Variants in TMC4 observed in about 807,000 individuals in gnomAD.
The protein encoded by TMC4 is voltage-gated chloride channel TMC4.
Under a neutral mutation model 82.0 loss-of-function variants are expected in TMC4, and 70 were observed. The observed-to-expected ratio is 0.85, with a 90% CI of 0.70 to 1.04. TMC4 has a LOEUF of 1.04. Among genes scored for constraint, TMC4 ranks in the 50% least tolerant of loss-of-function variants. TMC4 has a pLI of 0.00. For missense variants in TMC4, 879 were observed against 899.0 expected (o/e 0.98, Z 0.28); for synonymous variants, 446 against 406.0 (o/e 1.10, Z -1.18).
At chr19:54,170,350 A>C (rs974871044) in intron 2 of TMC4, among the ~76,000 whole-genome samples, 2 of 140,470 alleles carry the variant, frequency 1.4e-5, no homozygotes, top group South Asian at 2.3e-4. Context: ...AAAAAAAAAA[A>C]GGTTAGGGAG....
Position 54,168,666 on chromosome 19 carries a change from C to A in TMC4, c.457G>T (p.Gly153Cys). 1 of 1,543,576 alleles carries A rather than the reference C, an allele frequency of 6.5e-7. No homozygotes were observed. Residue 153 changes from glycine to cysteine, a missense_variant, in exon 4 of 15, where the codon GGC becomes TGC. Physicochemically the swap from Gly to Cys is radical, Grantham distance 159. Transcript: ENST00000619895. ...AGCAGGGAGAAGTAGGACTCCGTGC[C>A]GGCGCCAAACTGGCCTGCAGGGGGC... Reference protein sequence around the residue: ...LKRIGGQFGAGTESYFSLLRF... With the variant: ...LKRIGGQFGACTESYFSLLRF...
chr19:54,162,401 G>A (rs2075584982), intron 10 of TMC4, 116 bp from the exon 11 acceptor site: 7 of 794,496 alleles, frequency 8.8e-6, no homozygotes, highest in Non-Finnish European at 1.1e-5. Context: ...GGGGGGGGGG[G>A]GGCGGGACTT....
intron 9 of TMC4, 75 bp from the exon 10 acceptor site, chr19:54,162,845 A>G: frequency 6.6e-7 from 1 of 1,514,188 alleles, no homozygotes; most frequent in Non-Finnish European, 9.1e-7. Context: ...GAGTCTCCAC[A>G]TCGCAAGCCT....
At chr19:54,168,789 T>C (rs1443342492) in intron 3 of TMC4, 109 bp from the exon 4 acceptor site, 1 of 275,702 alleles carries the variant, frequency 3.6e-6, no homozygotes, top group Non-Finnish European at 5.8e-6. Context: ...CTTTCTTTTC[T>C]TTTCTTTCTT....
At chr19:54,164,013 T>C (rs1363289961) in intron 7 of TMC4, 126 bp from the exon 8 acceptor site, 1 of 1,097,222 alleles carries the variant, frequency 9.1e-7, no homozygotes, top group Non-Finnish European at 1.3e-6. Context: ...CTCGCTCTGT[T>C]ACCCAGCCTA....
intron 10 of TMC4, among the ~76,000 whole-genome samples, 158 bp from the exon 11 acceptor site, chr19:54,162,443 A>T (rs1213783776): frequency 7.7e-6 from 1 of 129,824 alleles, no homozygotes; most frequent in East Asian, 2.2e-4. Context: ...GTGTGTCCAG[A>T]GGGCGGGTCC....
chr19:54,160,528 G>A lies in TMC4; in HGVS notation c.1991C>T (p.Thr664Ile). The A allele has an allele frequency of 6.2e-7, 1 of 1,614,150 alleles. No homozygotes were observed. The highest frequency in any genetic ancestry group is 8.5e-7 in the Non-Finnish European group (1 of 1,180,018). Residue 664 changes from threonine (T) to isoleucine (I), a missense_variant, in exon 14 of 15, where the codon ACT becomes ATT. Thr to Ile is a moderately conservative substitution (Grantham distance 89). Coordinates refer to ENST00000619895, the MANE Select transcript of TMC4 (RefSeq NM_144686.4). ...TCCGTAGGAGTTAGCCAGAGCCACA[G>A]TGTACGCCATCAGGATGCTGAAGGA... ...LLISSILMAY[T>I]VALANSYGRL...
intron 2 of TMC4, 117 bp from the exon 3 acceptor site, chr19:54,169,777 T>C: frequency 1.4e-6 from 2 of 1,387,882 alleles, no homozygotes; most frequent in Non-Finnish European, 1.9e-6. Context: ...ATACATAAGA[T>C]AGAATACTCT....
intron 10 of TMC4, 36 bp from the exon 11 acceptor site, chr19:54,162,321 G>T (rs763603298): frequency 6.9e-7 from 1 of 1,453,960 alleles, no homozygotes; most frequent in Non-Finnish European, 9.0e-7. Context: ...GGAGTCAGGG[G>T]AGTGGCGGCC....
chr19:54,171,088 T>TACGC lies in TMC4; in HGVS notation c.293+781_293+782insGCGT, dbSNP rs2075873842. ...ATATATATACATATATATGTGTATA[T>TACGC]ATATACACACATATGCATATATATA... On this transcript the variant is annotated intron_variant, in intron 2 of 14. Coordinates refer to ENST00000619895, the MANE Select transcript of TMC4 (RefSeq NM_144686.4). Among the ~76,000 whole-genome samples the TACGC allele has an allele frequency of 8.4e-5, 3 of 35,656 alleles. No individual in the cohort carries two copies. The South Asian group carries it at 1.8e-3, about 21-fold the overall frequency. 23.4% of individuals were successfully genotyped at this position (35,656 alleles called of 152,430 possible).
chr19:54,170,333 CA>C (rs11365348), intron 2 of TMC4, among the ~76,000 whole-genome samples: 46,084 of 117,382 alleles, frequency 0.39, 7,238 homozygotes, highest in African/African-American at 0.43. Context: ...AAGACTCTGT[CA>C]AAAAAAAAAA....
chr19:54,169,728 CACAATCCAACAGTAG>C (rs1451780692), intron 2 of TMC4, 68 bp from the exon 3 acceptor site: 1 of 1,579,746 alleles, frequency 6.3e-7, no homozygotes, highest in East Asian at 2.2e-5. Flanking sequence ...TGAATGTAGA[CACAATCCAACAGTAG>C]AATGGAGAAG....
At chr19:54,162,594 G>T in intron 10 of TMC4, 79 bp downstream of exon 10, 1 of 1,156,226 alleles carries the variant, frequency 8.6e-7, no homozygotes, top group Non-Finnish European at 1.3e-6. Context: ...GTAAAAAGGT[G>T]CGCGGTGAAA....
intron 6 of TMC4, 34 bp downstream of exon 6, chr19:54,165,385 C>A: frequency 6.4e-7 from 1 of 1,569,430 alleles, no homozygotes. Context: ...TGTCTGGTCC[C>A]TACCCAGTTG....
intron 8 of TMC4, chr19:54,163,410 G>A (rs1034017144): frequency 4.8e-6 from 3 of 620,060 alleles, no homozygotes; most frequent in Non-Finnish European, 5.5e-6. Flanking sequence ...TCCCAGGCTC[G>A]AGCCATTCTC....
At position 54,160,270 on chromosome 19, in the gene TMC4, G is replaced by T; in HGVS notation, c.*36C>A. ...ATGTTGTGACCTAGGCTTACAATGG[G>T]CCTGGGGTCTGAAAGCGGGACGTGG... On this transcript the variant is annotated 3_prime_UTR_variant, in exon 15 of 15. Transcript: ENST00000619895. 1 of 1,511,314 alleles carries T rather than the reference G, an allele frequency of 6.6e-7. No homozygotes were observed. Among genetic ancestry groups the T allele is most frequent in the Non-Finnish European group, 8.8e-7 (1 of 1,130,510 alleles). 93.6% of individuals were successfully genotyped at this position (1,511,314 alleles called of 1,614,324 possible).
Position 54,162,929 on chromosome 19 carries a change from C to T in TMC4, c.1404+104G>A. ...TCATACCCTTGGGAGAGTGTTCCAG[C>T]ACCCCAAGCTCCCCTCTCCGCCCAA... On this transcript the variant is annotated intron_variant, in intron 9 of 14. Transcript: ENST00000619895. The T allele has an allele frequency of 1.9e-6, 3 of 1,579,256 alleles. No homozygotes were observed. In the South Asian group the frequency reaches 3.4e-5, roughly 18 times the overall value.
intron 6 of TMC4, 124 bp downstream of exon 6, chr19:54,165,295 T>C: frequency 1.7e-6 from 2 of 1,159,174 alleles, no homozygotes; most frequent in Non-Finnish European, 2.3e-6. Context: ...GACCTGCCTT[T>C]CTTGGAGAAG....
intron 2 of TMC4, among the ~76,000 whole-genome samples, chr19:54,170,797 C>T (rs1226709086): frequency 6.6e-6 from 1 of 151,818 alleles, no homozygotes; most frequent in Non-Finnish European, 1.5e-5. Context: ...GACACCCAGC[C>T]CTCCAATGCA....
Sources: allele counts gnomAD v4.1 joint callset (sites outside exome capture counted in the v4.1 genomes callset), GRCh38; gene constraint gnomAD v4.1.1; transcripts MANE v1.5; gene names NCBI Gene and HGNC (gene_info 2026-07-23, HGNC 2026-07-21).